Variants in SCAPER observed in about 807,000 individuals in gnomAD.
SCAPER encodes S-phase cyclin A associated protein in the ER.
Under a neutral mutation model 182.2 loss-of-function variants are expected in SCAPER, and 98 were observed. That is an observed-to-expected ratio of 0.54 (90% CI 0.46 to 0.64). The LOEUF (loss-of-function observed/expected upper bound fraction) is 0.64, where lower values mean the gene tolerates loss of function less well. SCAPER is among the 30% of genes least tolerant of loss of function. SCAPER has a pLI of 0.00. For synonymous variants in SCAPER, 605 were observed against 564.6 expected, an observed-to-expected ratio of 1.07 and a Z score of -1.01; for missense variants, 1,432 against 1,690.0, an observed-to-expected ratio of 0.85 and a Z score of 2.68.
At chr15:76,381,730 A>T (rs2042955415) in intron 27 of SCAPER, 115 bp from the exon 28 acceptor site, 1 of 799,266 alleles carries the variant, frequency 1.3e-6, no homozygotes, top group African/African-American at 1.7e-5. Context: ...TCTGAGTTGT[A>T]TAGTATGGTA....
intron 20 of SCAPER, among the ~76,000 whole-genome samples, chr15:76,678,549 GA>G (rs1288597670): frequency 2.0e-5 from 3 of 152,090 alleles, no homozygotes; most frequent in Non-Finnish European, 4.4e-5. Context: ...GGGAAGGGGT[GA>G]GGGACTGAAG....
intron 20 of SCAPER, among the ~76,000 whole-genome samples, chr15:76,695,977 G>A (rs1024308153): frequency 1.3e-5 from 2 of 152,066 alleles, no homozygotes; most frequent in Non-Finnish European, 2.9e-5. Context: ...GGTATTAGAT[G>A]GGAAAAAAAC....
chr15:76,867,997 T>C (rs182519037), intron 2 of SCAPER, among the ~76,000 whole-genome samples: 1 of 152,116 alleles, frequency 6.6e-6, no homozygotes, highest in East Asian at 1.9e-4. Flanking sequence ...GCCAGATGCA[T>C]AGGATCTAGC....
chr15:76,532,948 T>C (rs2043804240), intron 23 of SCAPER, among the ~76,000 whole-genome samples: 2 of 152,220 alleles, frequency 1.3e-5, no homozygotes, highest in South Asian at 4.1e-4. Flanking sequence ...CCCTACTATA[T>C]GCAGAACACT....
chr15:76,585,176 A>G (rs192038255), intron 22 of SCAPER, among the ~76,000 whole-genome samples: 1 of 152,268 alleles, frequency 6.6e-6, no homozygotes, highest in Admixed American at 6.5e-5. Flanking sequence ...AGGATAATAT[A>G]TATTTCTTTT....
intron 28 of SCAPER, among the ~76,000 whole-genome samples, chr15:76,377,093 C>T (rs1253570140): frequency 6.6e-6 from 1 of 152,220 alleles, no homozygotes; most frequent in Non-Finnish European, 1.5e-5. Context: ...TGAAGCACCA[C>T]TGCTGGCCTG....
At chr15:76,633,483 C>A (rs2053327103) in intron 21 of SCAPER, among the ~76,000 whole-genome samples, 1 of 152,208 alleles carries the variant, frequency 6.6e-6, no homozygotes, top group South Asian at 2.1e-4. Flanking sequence ...GGGGAATCCC[C>A]CTCATCCGGG....
At chr15:76,605,454 T>C (rs2050302715) in intron 22 of SCAPER, among the ~76,000 whole-genome samples, 2 of 152,130 alleles carry the variant, frequency 1.3e-5, no homozygotes, top group Admixed American at 6.5e-5. Context: ...TTTGCATCAA[T>C]GTTCATCAAG....
intron 5 of SCAPER, among the ~76,000 whole-genome samples, chr15:76,821,203 T>C (rs577843951): frequency 9.2e-5 from 14 of 152,328 alleles, no homozygotes; most frequent in South Asian, 8.3e-4. Flanking sequence ...TTATTCATAA[T>C]TGACAAAACT....
At chr15:76,755,549 T>C (rs1598533887) in intron 14 of SCAPER, among the ~76,000 whole-genome samples, 1 of 152,286 alleles carries the variant, frequency 6.6e-6, no homozygotes, top group African/African-American at 2.4e-5. Flanking sequence ...TGGCCATATA[T>C]CTTTCAACAT....
chr15:76,687,459 ATACTTT>A (rs1174762038), intron 20 of SCAPER, among the ~76,000 whole-genome samples: 3 of 152,194 alleles, frequency 2.0e-5, no homozygotes, highest in African/African-American at 7.2e-5. Flanking sequence ...TAAAATTATT[ATACTTT>A]AAGTTTGGGG....
At chr15:76,659,003 G>A (rs2055898091) in intron 21 of SCAPER, among the ~76,000 whole-genome samples, 1 of 152,098 alleles carries the variant, frequency 6.6e-6, no homozygotes, top group Non-Finnish European at 1.5e-5. Context: ...TCTGGAAACA[G>A]GACCTGGTAA....
chr15:76,874,675 G>A (rs1020274321), intron 2 of SCAPER, among the ~76,000 whole-genome samples: 14 of 152,122 alleles, frequency 9.2e-5, no homozygotes, highest in South Asian at 4.1e-4. Flanking sequence ...AATTGTATCC[G>A]GTCAGTCACC....
chr15:76,771,988 T>TA, intron 9 of SCAPER, 34 bp from the exon 10 acceptor site: 1 of 1,479,660 alleles, frequency 6.8e-7, no homozygotes, highest in Non-Finnish European at 9.3e-7. Flanking sequence ...CAGAGATAAT[T>TA]AAAAAATACC....
intron 17 of SCAPER, among the ~76,000 whole-genome samples, chr15:76,710,945 G>C (rs1418493671): frequency 1.3e-5 from 2 of 152,078 alleles, no homozygotes. Context: ...ATGATCAATT[G>C]ATCTTTAACA....
chr15:76,461,042 T>A (rs2049131897), intron 25 of SCAPER, among the ~76,000 whole-genome samples: 1 of 152,146 alleles, frequency 6.6e-6, no homozygotes, highest in South Asian at 2.1e-4. Context: ...TCATACCTCT[T>A]TAGTCTCCTC....
intron 22 of SCAPER, among the ~76,000 whole-genome samples, chr15:76,589,403 G>A (rs969633398): frequency 5.9e-5 from 9 of 152,246 alleles, no homozygotes; most frequent in African/African-American, 1.9e-4. Context: ...CGGCAATGGA[G>A]TTATGTTCCC....
intron 21 of SCAPER, among the ~76,000 whole-genome samples, chr15:76,651,174 A>T (rs2055004005): frequency 6.6e-6 from 1 of 152,276 alleles, no homozygotes; most frequent in South Asian, 2.1e-4. Context: ...AATAAAAACG[A>T]ACAAACAAAA....
intron 2 of SCAPER, among the ~76,000 whole-genome samples, chr15:76,876,852 A>G (rs2073200455): frequency 6.6e-6 from 1 of 152,230 alleles, no homozygotes; most frequent in Non-Finnish European, 1.5e-5. Context: ...AAGGTGAGAA[A>G]AAGAATAAAA....
Sources: gnomAD v4.1 joint callset for allele counts (sites outside exome capture counted in the v4.1 genomes callset) on GRCh38, gnomAD v4.1.1 for gene constraint, MANE v1.5 for transcripts, NCBI Gene and HGNC (gene_info 2026-07-23, HGNC 2026-07-21) for gene names.